Variants in CNGA2 observed in about 807,000 individuals in gnomAD.
CNGA2 encodes cyclic nucleotide gated channel subunit alpha 2.
CNGA2 carries 22 observed loss-of-function variants against 35.9 expected under a neutral mutation model. That is an observed-to-expected ratio of 0.61 (90% CI 0.44 to 0.88). The LOEUF is 0.88. Among genes scored for constraint, CNGA2 ranks in the 40% least tolerant of loss-of-function variants. The pLI is 0.00. For missense variants in CNGA2, 555 were observed against 530.8 expected, an observed-to-expected ratio of 1.05 and a Z score of -0.45; for synonymous variants, 217 against 209.2, an observed-to-expected ratio of 1.04 and a Z score of -0.32.
rs774534656 is a variant in CNGA2 at position 151,744,760 on chromosome X, C to A, written c.*262C>A. ...TAAGTCTGAGGAAGGGAGAAGGGGGCAGCTGTCTGCCAGGAGTCTGGCTCT... is the reference window on the plus strand; with the variant it reads ...TAAGTCTGAGGAAGGGAGAAGGGGGAAGCTGTCTGCCAGGAGTCTGGCTCT... On this transcript the variant is annotated 3_prime_UTR_variant, in exon 7 of 7. Transcript: ENST00000329903. 1 of 314,818 alleles carries A rather than the reference C, an allele frequency of 3.2e-6. No homozygotes were observed. Among genetic ancestry groups the A allele is most frequent in the Non-Finnish European group, 5.6e-6 (1 of 179,683 alleles). 25.9% of individuals were successfully genotyped at this position (314,818 alleles called of 1,213,427 possible). A position where few individuals can be genotyped will look rare whatever the true frequency, so the allele number is the denominator to read the frequency against.
intron 5 of CNGA2, 81 bp downstream of exon 5, chrX:151,740,982 G>A (rs1415621975): frequency 1.8e-5 from 12 of 678,589 alleles, no homozygotes; most frequent in Non-Finnish European, 2.6e-5. Context: ...GCAGTCCCTG[G>A]ATACCAATGG....
chrX:151,743,185 A>C lies in CNGA2; in HGVS notation c.682A>C (p.Ile228Leu). 1 of 1,204,859 alleles carries C rather than the reference A, an allele frequency of 8.3e-7. No individual in the cohort carries two copies. The highest frequency in any genetic ancestry group is 1.8e-5 in the African/African-American group (1 of 55,427). ...TLQFKLDVAS[I>L]IPTDLIYFAV... ...GCAGTTCAAGCTGGATGTGGCTTCC[A>C]TCATCCCCACTGACCTGATCTATTT... is the stretch of plus-strand genomic sequence containing the variant. Residue 228 changes from isoleucine (I) to leucine (L), a missense_variant, in exon 7 of 7, where the codon ATC (isoleucine) becomes CTC (leucine). By Grantham distance (5) the Ile-to-Leu change is conservative (BLOSUM62 2). Transcript: ENST00000329903.
Position 151,743,857 on chromosome X carries a change from G to C in CNGA2, c.1354G>C (p.Val452Leu), listed in dbSNP as rs2015344037. 3.3e-6 allele frequency: 4 copies of C among 1,209,741 alleles called. No individual in the cohort carries two copies. The highest frequency in any genetic ancestry group is 1.8e-5 in the African/African-American group (1 of 56,974). ...TGTCCACTTGTCCACACTCAAGAAA[G>C]TGCGCATCTTCCATGATTGTGAGGC... ...INVHLSTLKKVRIFHDCEAGL... is the reference protein window; with the variant it reads ...INVHLSTLKKLRIFHDCEAGL... The change falls in exon 7 of 7, where the codon GTG becomes CTG. Residue 452 changes from valine (V) to leucine (L), a missense_variant. Coordinates refer to ENST00000329903, the MANE Select transcript of CNGA2 (RefSeq NM_005140.3).
rs767609888 is a variant in CNGA2 at position 151,744,353 on chromosome X, G to A, written c.1850G>A (p.Arg617His). The change falls in exon 7 of 7, where the codon CGC becomes CAC. Residue 617 changes from arginine to histidine, a missense_variant. Arg to His is a conservative substitution (Grantham distance 29). Coordinates refer to ENST00000329903, the MANE Select transcript of CNGA2 (RefSeq NM_005140.3). ...NMETLYTRFG[R>H]LLAEYTGAQQ... The stretch of plus-strand genomic sequence containing the variant: ...GAAACCTTGTACACTCGCTTTGGCC[G>A]CCTGCTGGCTGAGTACACGGGGGCC... 8.3e-6 allele frequency: 10 copies of A among 1,208,863 alleles called. No homozygotes were observed. Among genetic ancestry groups the A allele is most frequent in the East Asian group, 5.9e-5 (2 of 33,712 alleles).
At position 151,742,803 on chromosome X, in the gene CNGA2, TCTC is replaced by T. The variant is rs775070626; in HGVS notation, c.589+162_589+164del. Among the ~76,000 whole-genome samples, 390 of 101,692 alleles carry T rather than the reference TCTC, an allele frequency of 3.8e-3. 1 individual carries two copies. The highest frequency in any genetic ancestry group is 0.012 in the African/African-American group (338 of 27,335). 88.3% of individuals were successfully genotyped at this position (101,692 alleles called of 115,157 possible). On this transcript the variant is annotated intron_variant, in intron 6 of 6. Transcript: ENST00000329903. ...TCCCACATGCATAGAGAGGTTTTGATCTCGGGGTGTTCTCTTAGAGTCCTTCTG... is the reference window on the plus strand; with the variant it reads ...TCCCACATGCATAGAGAGGTTTTGATGGGGTGTTCTCTTAGAGTCCTTCTG...
At chrX:151,739,435 G>A (rs776005767) in intron 3 of CNGA2, 127 bp from the exon 4 acceptor site, 3 of 748,748 alleles carry the variant, frequency 4.0e-6, no homozygotes, top group Non-Finnish European at 3.8e-6. Context: ...ATCATGGTCT[G>A]GCCTGTTTGT....
rs760289901 is a variant in CNGA2 at position 151,743,962 on chromosome X, A to G, written c.1459A>G (p.Ile487Val). 2 of 1,211,509 alleles carry G rather than the reference A, an allele frequency of 1.7e-6. No individual in the cohort carries two copies. Among genetic ancestry groups the G allele is most frequent in the Non-Finnish European group, 1.1e-6 (1 of 895,501 alleles). Residue 487 changes from isoleucine (I) to valine (V), a missense_variant, in exon 7 of 7, where the codon ATC becomes GTC. Physicochemically the swap from Ile to Val is conservative, Grantham distance 29 (BLOSUM62 3). Coordinates refer to ENST00000329903, the MANE Select transcript of CNGA2 (RefSeq NM_005140.3). ...PGDYICRKGD[I>V]GKEMYIIKEG... Reference sequence around the variant, plus strand: ...GGATTACATTTGCCGCAAAGGGGACATCGGCAAGGAGATGTACATCATTAA... The same window carrying G: ...GGATTACATTTGCCGCAAAGGGGACGTCGGCAAGGAGATGTACATCATTAA...
Position 151,743,755 on chromosome X carries a change from A to G in CNGA2, c.1252A>G (p.Thr418Ala). 1 of 1,211,626 alleles carries G rather than the reference A, an allele frequency of 8.3e-7. No individual in the cohort carries two copies. Among genetic ancestry groups the G allele is most frequent in the African/African-American group, 1.7e-5 (1 of 57,698 alleles). The change falls in exon 7 of 7, where the codon ACC becomes GCC. Residue 418 changes from threonine to alanine, a missense_variant. Coordinates refer to ENST00000329903, the MANE Select transcript of CNGA2 (RefSeq NM_005140.3). ...KVIRWFDYLW[T>A]NKKTVDEREI... Reference sequence around the variant, plus strand: ...CATTAGGTGGTTTGACTACTTGTGGACCAATAAGAAGACAGTGGATGAGCG... The same window carrying G: ...CATTAGGTGGTTTGACTACTTGTGGGCCAATAAGAAGACAGTGGATGAGCG...
rs756609004 is a variant in CNGA2 at position 151,744,493 on chromosome X, C to A, written c.1990C>A (p.Pro664Thr). 8.6e-7 allele frequency: 1 copy of A among 1,165,944 alleles called. No individual in the cohort carries two copies. Among genetic ancestry groups the A allele is most frequent in the Non-Finnish European group, 1.1e-6 (1 of 871,999 alleles). The change falls in exon 7 of 7, where the codon CCA (proline) becomes ACA (threonine). Residue 664 changes from proline to threonine, a missense_variant. By Grantham distance (38) the Pro-to-Thr change is conservative (BLOSUM62 -1). Transcript: ENST00000329903. ...CCCTGAGCTGGCTGCTGCTGACGAG[C>A]CATAAGACCTGGGGCCCAACTGCCT... ...NSPELAAADE[P>T]
At chrX:151,741,512 C>T (rs753394830) in intron 5 of CNGA2, among the ~76,000 whole-genome samples, 1 of 112,204 alleles carries the variant, frequency 8.9e-6, no homozygotes, top group Non-Finnish European at 1.9e-5. Flanking sequence ...GTGCTCAGTG[C>T]TGGGGATAAT....
In CNGA2 at chrX:151,743,677, G is replaced by C; in HGVS notation, c.1174G>C (p.Val392Leu). Reference sequence around the variant, plus strand: ...AGAGTTCCAGGCTAAGATCGATGCCGTGAAACACTACATGCAGTTCCGAAA... The same window carrying C: ...AGAGTTCCAGGCTAAGATCGATGCCCTGAAACACTACATGCAGTTCCGAAA... ...RAEFQAKIDA[V>L]KHYMQFRKVS... The change falls in exon 7 of 7, where the codon GTG (valine) becomes CTG (leucine). Residue 392 changes from valine to leucine, a missense_variant. By Grantham distance (32) the Val-to-Leu change is conservative. Coordinates refer to ENST00000329903, the MANE Select transcript of CNGA2 (RefSeq NM_005140.3). The C allele has an allele frequency of 8.3e-7, 1 of 1,211,657 alleles. No homozygotes were observed. The highest frequency in any genetic ancestry group is 1.1e-6 in the Non-Finnish European group (1 of 895,486).
chrX:151,740,894 G>T lies in CNGA2; in HGVS notation c.475G>T (p.Val159Leu), dbSNP rs1463428237. 2 of 1,207,945 alleles carry T rather than the reference G, an allele frequency of 1.7e-6. No individual in the cohort carries two copies. Among genetic ancestry groups the T allele is most frequent in the Non-Finnish European group, 2.2e-6 (2 of 892,322 alleles). The part of the protein sequence containing the change: ...MPVLYNWCLL[V>L]ARACFSDLQK... The stretch of plus-strand genomic sequence containing the variant: ...CGTCCTTTACAACTGGTGCCTGCTG[G>T]TGGCCAGGTGAGCAGGGTGGGGCCC... Residue 159 changes from valine to leucine, a missense_variant, in exon 5 of 7, where the codon GTG becomes TTG. Coordinates refer to ENST00000329903, the MANE Select transcript of CNGA2 (RefSeq NM_005140.3).
At position 151,734,776 on chromosome X, in the gene CNGA2, G is replaced by A. The variant is rs190645705; in HGVS notation, c.-194G>A. 1.4e-3 allele frequency among the ~76,000 whole-genome samples: 154 copies of A among 111,792 alleles called. No homozygotes were observed. Among genetic ancestry groups the A allele is most frequent in the Admixed American group, 5.5e-3 (58 of 10,570 alleles). ...ACTCTATTATTTCAAGAAAGATGGC[G>A]TGGATAAACTGTTAGATGCTGCTCA... On this transcript the variant is annotated 5_prime_UTR_variant, in exon 1 of 7. In the 5' UTR this introduces an upstream ATG that the reference lacks. Transcript: ENST00000329903.
At chrX:151,741,917 T>C (rs1374367156) in intron 5 of CNGA2, among the ~76,000 whole-genome samples, 1 of 111,999 alleles carries the variant, frequency 8.9e-6, no homozygotes, top group African/African-American at 3.2e-5. Flanking sequence ...GCTCTCCCCT[T>C]TGACTAGTAC....
At chrX:151,736,459 C>G (rs1440119482) in intron 1 of CNGA2, among the ~76,000 whole-genome samples, 2 of 111,954 alleles carry the variant, frequency 1.8e-5, no homozygotes. Flanking sequence ...ATAAAGGAAA[C>G]AAGGAGTTAC....
chrX:151,738,816 C>T lies in CNGA2; in HGVS notation c.140C>T (p.Ser47Phe). 1 of 1,178,517 alleles carries T rather than the reference C, an allele frequency of 8.5e-7. No individual in the cohort carries two copies. The highest frequency in any genetic ancestry group is 1.1e-6 in the Non-Finnish European group (1 of 878,301). The change falls in exon 3 of 7, where the codon TCC becomes TTC. Residue 47 changes from serine (S) to phenylalanine (F), a missense_variant. Transcript: ENST00000329903. ...RPHSAADDDT[S>F]SELQRLADVD... Reference sequence around the variant, plus strand: ...CACTCTGCAGCTGACGATGACACCTCCTCAGAACTGCAGAGGCTGGCAGAC... The same window carrying T: ...CACTCTGCAGCTGACGATGACACCTTCTCAGAACTGCAGAGGCTGGCAGAC...
chrX:151,743,348 TC>T lies in CNGA2; in HGVS notation c.846del (p.Leu283TrpfsTer18). 8.3e-7 allele frequency: 1 copy of T among 1,209,723 alleles called. No individual in the cohort carries two copies. Among genetic ancestry groups the T allele is most frequent in the Non-Finnish European group, 1.1e-6 (1 of 895,165 alleles). ...CGCATCAGCAACCTTGTCCTCTACATCTTGGTCATCATCCACTGGAATGCCT... is the reference window on the plus strand; with the variant it reads ...CGCATCAGCAACCTTGTCCTCTACATTTGGTCATCATCCACTGGAATGCCT... Reference protein sequence around the residue: ...IFRISNLVLYILVIIHWNACI... With the variant: ...IFRISNLVLYXLVIIHWNACI... On this transcript the variant is annotated frameshift_variant, in exon 7 of 7. Coordinates refer to ENST00000329903, the MANE Select transcript of CNGA2 (RefSeq NM_005140.3). LOFTEE classifies it high-confidence loss of function.
At position 151,745,538 on chromosome X, in the gene CNGA2, C is replaced by G. The variant is rs1234419659; in HGVS notation, c.*1040C>G. 2.7e-5 allele frequency among the ~76,000 whole-genome samples: 3 copies of G among 112,177 alleles called. No individual in the cohort carries two copies. In the East Asian group the frequency reaches 8.4e-4, roughly 31 times the overall value. ...GTCATCTCTCGATTATTTGTAACACCTAATACAATGTCAGTGCTATGTAAA... is the reference window on the plus strand; with the variant it reads ...GTCATCTCTCGATTATTTGTAACACGTAATACAATGTCAGTGCTATGTAAA... On this transcript the variant is annotated 3_prime_UTR_variant, in exon 7 of 7. Transcript: ENST00000329903.
rs1278852284 is a variant in CNGA2 at position 151,744,137 on chromosome X, A to G, written c.1634A>G (p.Tyr545Cys). The change falls in exon 7 of 7, where the codon TAC becomes TGC. Residue 545 changes from tyrosine to cysteine, a missense_variant. Physicochemically the swap from Tyr to Cys is radical, Grantham distance 194 (BLOSUM62 -2). Coordinates refer to ENST00000329903, the MANE Select transcript of CNGA2 (RefSeq NM_005140.3). Reference protein sequence around the residue: ...RRTANIRSLGYSDLFCLSKDD... With the variant: ...RRTANIRSLGCSDLFCLSKDD... The stretch of plus-strand genomic sequence containing the variant: ...ACAGCTAATATCCGCAGCCTGGGCT[A>G]CTCAGATCTCTTCTGCTTGTCCAAG... 9.1e-6 allele frequency: 11 copies of G among 1,207,621 alleles called. No homozygotes were observed. The highest frequency in any genetic ancestry group is 1.2e-5 in the Non-Finnish European group (11 of 894,704).
Sources: gnomAD v4.1 joint callset for allele counts (sites outside exome capture counted in the v4.1 genomes callset) on GRCh38, gnomAD v4.1.1 for gene constraint, MANE v1.5 for transcripts, NCBI Gene and HGNC (gene_info 2026-07-23, HGNC 2026-07-21) for gene names.